SCN1A: variants seen among roughly 807,000 people sequenced by gnomAD.
SCN1A encodes the protein sodium channel protein type 1 subunit alpha.
A neutral mutation model predicts 193.7 loss-of-function variants in SCN1A; 13 were observed. The ratio of observed to expected loss-of-function variants is 0.07; its 90% CI spans 0.04 to 0.11. The LOEUF is 0.11. Among genes scored for constraint, SCN1A ranks in the 10% least tolerant of loss-of-function variants. The pLI is 1.00. For missense variants in SCN1A, 1,432 were observed against 2,451.1 expected (o/e 0.58, Z 8.78); for synonymous variants, 781 against 843.6 (o/e 0.93, Z 1.29).
At chr2:166,114,253 A>G (rs1689612297) in intron 2 of SCN1A, among the ~76,000 whole-genome samples, 1 of 152,198 alleles carries the variant, frequency 6.6e-6, no homozygotes, top group Non-Finnish European at 1.5e-5. Flanking sequence ...ATGTTAATAT[A>G]TAAATTATTT....
intron 17 of SCN1A, 122 bp from the exon 18 acceptor site, chr2:166,038,254 C>G: frequency 1.3e-6 from 1 of 796,106 alleles, no homozygotes; most frequent in South Asian, 2.0e-5. Context: ...CCCTAACCGT[C>G]TCAGGCTCAT....
chr2:166,072,243 TAAAG>T (rs146580933), intron 4 of SCN1A, among the ~76,000 whole-genome samples: 4,203 of 152,244 alleles, frequency 0.028, 210 homozygotes, highest in African/African-American at 0.097. Flanking sequence ...TGTCAAGTGA[TAAAG>T]AAGAAAATGT....
chr2:166,009,697 C>T lies in SCN1A; in HGVS notation c.4002+22G>A, dbSNP rs770399399. 5 of 1,598,484 alleles carry T rather than the reference C, an allele frequency of 3.1e-6. No homozygotes were observed. In the Admixed American group the frequency reaches 5.1e-5, roughly 16 times the overall value. ...TTAATTTTGGCTATATACAATACTT[C>T]AGGTTCTTTCATTTTTCTTACCCTC... On this transcript the variant is annotated intron_variant, in intron 23 of 28. Coordinates refer to ENST00000674923, the MANE Select transcript of SCN1A (RefSeq NM_001165963.4).
At chr2:166,036,856 T>C (rs1251283243) in intron 18 of SCN1A, among the ~76,000 whole-genome samples, 2 of 152,204 alleles carry the variant, frequency 1.3e-5, no homozygotes, top group East Asian at 3.9e-4. Flanking sequence ...AATACGAGAA[T>C]TCTTAAAAAT....
chr2:166,071,214 C>A (rs114779454), intron 4 of SCN1A, among the ~76,000 whole-genome samples: 2,748 of 152,280 alleles, frequency 0.018, 33 homozygotes, highest in Middle Eastern at 0.031. Context: ...TGCATTTTTA[C>A]TTTTCTTATA....
At chr2:166,062,329 T>C (rs1683395751) in intron 4 of SCN1A, among the ~76,000 whole-genome samples, 1 of 152,268 alleles carries the variant, frequency 6.6e-6, no homozygotes, top group South Asian at 2.1e-4. Context: ...GATAGCACTT[T>C]CATGTCAGAG....
chr2:166,090,082 C>G (rs889510927), intron 2 of SCN1A, among the ~76,000 whole-genome samples: 5 of 124,886 alleles, frequency 4.0e-5, no homozygotes, highest in African/African-American at 1.5e-4. Context: ...CCCTGTCACA[C>G]AGGCTGGAGT....
intron 2 of SCN1A, among the ~76,000 whole-genome samples, chr2:166,098,204 G>A (rs1354253284): frequency 1.3e-5 from 2 of 152,028 alleles, no homozygotes; most frequent in Non-Finnish European, 2.9e-5. Context: ...AGGATGCAAG[G>A]TTGGTTCAAC....
chr2:166,131,384 G>GTCTCTGTAAGACTCCA (rs1293826212), upstream of SCN1A, among the ~76,000 whole-genome samples: 2 of 144,020 alleles, frequency 1.4e-5, no homozygotes, highest in African/African-American at 4.9e-5. Context: ...GTAAGACTCC[G>GTCTCTGTAAGACTCCA]TCTCTGTAAG....
intron 4 of SCN1A, among the ~76,000 whole-genome samples, chr2:166,064,266 T>C (rs573756964): frequency 6.6e-6 from 1 of 152,300 alleles, no homozygotes; most frequent in African/African-American, 2.4e-5. Context: ...AGAATAAATG[T>C]ACTTAGCTCA....
intron 19 of SCN1A, among the ~76,000 whole-genome samples, chr2:166,021,199 A>G (rs912626108): frequency 6.6e-6 from 1 of 152,214 alleles, no homozygotes; most frequent in Non-Finnish European, 1.5e-5. Flanking sequence ...TCAAATCATA[A>G]TAACATCAGA....
At chr2:166,023,170 A>G (rs936482593) in intron 19 of SCN1A, among the ~76,000 whole-genome samples, 1 of 152,260 alleles carries the variant, frequency 6.6e-6, no homozygotes, top group Non-Finnish European at 1.5e-5. Context: ...ATACATTATC[A>G]TGTGGTAAAA....
At chr2:166,104,106 G>A (rs763105203) in intron 2 of SCN1A, 5 of 152,106 alleles carry the variant, frequency 3.3e-5, no homozygotes, top group Admixed American at 1.3e-4. Context: ...TAATTTTATT[G>A]GTGGTATATA....
chr2:166,012,650 G>A (rs1391211724), intron 21 of SCN1A, among the ~76,000 whole-genome samples: 1 of 135,896 alleles, frequency 7.4e-6, no homozygotes, highest in African/African-American at 2.8e-5. Context: ...TAGAAAGGAG[G>A]TTGAAGAAAT....
chr2:166,015,744 C>T lies in SCN1A; in HGVS notation c.3430-17G>A. 6.2e-7 allele frequency: 1 copy of T among 1,612,126 alleles called. No homozygotes were observed. Among genetic ancestry groups the T allele is most frequent in the South Asian group, 1.1e-5 (1 of 91,048 alleles). On this transcript the variant is annotated splice_polypyrimidine_tract_variant and intron_variant, in intron 19 of 28. Transcript: ENST00000674923. ...ATTCAGTTTCTGTAAGTGAGATGGACATAGAAAGTAAAGTCCTTTAATTTT... is the reference window on the plus strand; with the variant it reads ...ATTCAGTTTCTGTAAGTGAGATGGATATAGAAAGTAAAGTCCTTTAATTTT...
chr2:166,070,772 A>G (rs1436028602), intron 4 of SCN1A, among the ~76,000 whole-genome samples: 4 of 152,182 alleles, frequency 2.6e-5, no homozygotes, highest in Admixed American at 6.5e-5. Context: ...AATTAAAGAA[A>G]AAAAAGATTG....
At chr2:166,078,715 C>T (rs565016226) in intron 2 of SCN1A, among the ~76,000 whole-genome samples, 1 of 151,448 alleles carries the variant, frequency 6.6e-6, no homozygotes, top group South Asian at 2.1e-4. Flanking sequence ...TTAATTTTCC[C>T]TAAATTAATA....
intron 2 of SCN1A, among the ~76,000 whole-genome samples, chr2:166,084,174 G>A (rs1292418153): frequency 6.6e-6 from 1 of 151,096 alleles, no homozygotes; most frequent in South Asian, 2.1e-4. Context: ...CCCCTTTCTC[G>A]ATGTTCATCT....
At chr2:166,051,482 C>A (rs1698546068) in intron 9 of SCN1A, among the ~76,000 whole-genome samples, 2 of 151,704 alleles carry the variant, frequency 1.3e-5, no homozygotes, top group South Asian at 4.1e-4. Flanking sequence ...GATAGTAATT[C>A]TTTTTTAGAG....
Sources: allele counts gnomAD v4.1 joint callset (sites outside exome capture counted in the v4.1 genomes callset), GRCh38; gene constraint gnomAD v4.1.1; transcripts MANE v1.5; gene names NCBI Gene and HGNC (gene_info 2026-07-23, HGNC 2026-07-21).